The following DOCK4 variants were observed in gnomAD, a reference collection of about 807,000 sequenced individuals.
DOCK4 encodes the protein dedicator of cytokinesis 4, also known as dedicator of cytokinesis protein 4.
Under a neutral mutation model 268.1 loss-of-function variants are expected in DOCK4, and 97 were observed. The ratio of observed to expected loss-of-function variants is 0.36; its 90% CI spans 0.31 to 0.43. The LOEUF (loss-of-function observed/expected upper bound fraction) is 0.43. DOCK4 is among the 20% of genes least tolerant of loss of function. DOCK4 has a pLI of 1.00. For synonymous variants in DOCK4, 954 were observed against 887.2 expected (o/e 1.08, Z -1.34); for missense variants, 2,145 against 2,455.7 (o/e 0.87, Z 2.67).
At position 111,757,518 on chromosome 7, in the gene DOCK4, A is replaced by G. The variant is rs182502968; in HGVS notation, c.4329+1106T>C. Reference sequence around the variant, plus strand: ...AAGGCACAAAGAATAAGTTTCCAGAAAAAACAAGAACATGATCATGGATCT... The same window carrying G: ...AAGGCACAAAGAATAAGTTTCCAGAGAAAACAAGAACATGATCATGGATCT... On this transcript the variant is annotated intron_variant, in intron 41 of 52. Transcript: ENST00000428084. Among the ~76,000 whole-genome samples the G allele has an allele frequency of 6.6e-5, 10 of 152,334 alleles. No individual in the cohort carries two copies. The East Asian group carries it at 1.5e-3, about 23-fold the overall frequency.
At chr7:111,882,808 C>T (rs1807512329) in intron 16 of DOCK4, among the ~76,000 whole-genome samples, 2 of 152,134 alleles carry the variant, frequency 1.3e-5, no homozygotes, top group African/African-American at 4.8e-5. Context: ...AACGGGATTG[C>T]TCCATGTTGA....
chr7:111,806,876 G>T (rs1403972378), intron 30 of DOCK4, among the ~76,000 whole-genome samples: 1 of 152,132 alleles, frequency 6.6e-6, no homozygotes, highest in Non-Finnish European at 1.5e-5. Flanking sequence ...AGATCTCTGA[G>T]AAAAACAGAG....
At chr7:111,728,974 C>G (rs3779458) in intron 52 of DOCK4, among the ~76,000 whole-genome samples, 1 of 152,102 alleles carries the variant, frequency 6.6e-6, no homozygotes, top group Non-Finnish European at 1.5e-5. Context: ...ACACACAGAC[C>G]TTGCAGGAAG....
At chr7:112,145,819 G>C (rs1815425514) in intron 1 of DOCK4, among the ~76,000 whole-genome samples, 1 of 130,458 alleles carries the variant, frequency 7.7e-6, no homozygotes, top group African/African-American at 2.7e-5. Context: ...TAGTTACTTG[G>C]AAGAAAAAAA....
chr7:112,125,004 C>T (rs150917824), intron 1 of DOCK4, among the ~76,000 whole-genome samples: 27 of 152,258 alleles, frequency 1.8e-4, no homozygotes, highest in African/African-American at 6.0e-4. Flanking sequence ...AAGGATGCTT[C>T]AGGGCCCTAA....
At position 111,786,277 on chromosome 7, in the gene DOCK4, T is replaced by C. The variant is rs549570763; in HGVS notation, c.3402-2154A>G. ...AGCCCCTTTAGAGCCCCCAAGACTG[T>C]AGGTAGACCTACTGTATGCTTCCAC... is the stretch of plus-strand genomic sequence containing the variant. On this transcript the variant is annotated intron_variant, in intron 32 of 52. Coordinates refer to ENST00000428084, the MANE Select transcript of DOCK4 (RefSeq NM_001363540.2). Among the ~76,000 whole-genome samples the C allele has an allele frequency of 2.5e-4, 38 of 152,286 alleles. 1 individual carries two copies. Among genetic ancestry groups the C allele is most frequent in the Admixed American group, 2.4e-3 (37 of 15,290 alleles).
intron 1 of DOCK4, among the ~76,000 whole-genome samples, chr7:112,165,583 C>A (rs1817546739): frequency 6.7e-6 from 1 of 148,264 alleles, no homozygotes; most frequent in South Asian, 2.1e-4. Flanking sequence ...TATCCCATTT[C>A]TTTGGACACT....
At chr7:112,136,060 T>C (rs972490298) in intron 1 of DOCK4, among the ~76,000 whole-genome samples, 5 of 152,174 alleles carry the variant, frequency 3.3e-5, no homozygotes, top group African/African-American at 9.7e-5. Context: ...GGGAATTATT[T>C]GGGCCAATTT....
chr7:111,889,283 C>A (rs1808098716), intron 16 of DOCK4, among the ~76,000 whole-genome samples: 1 of 152,004 alleles, frequency 6.6e-6, no homozygotes, highest in Non-Finnish European at 1.5e-5. Context: ...TCTTCTATAC[C>A]AAAGCCTGGG....
In DOCK4 at chr7:111,900,523, A is replaced by T; in HGVS notation, c.1331T>A (p.Phe444Tyr). The change falls in exon 15 of 53, where the codon TTC becomes TAC. Residue 444 changes from phenylalanine (F) to tyrosine (Y), a missense_variant. Physicochemically the swap from Phe to Tyr is conservative, Grantham distance 22 (BLOSUM62 3). Around this residue, in one of 2 missense-constraint regions of DOCK4, gnomAD observed 1,598 missense variants for 1,986.7 expected, o/e 0.80. Transcript: ENST00000428084. ...ACTGGCTGGTGGCTCCCCAGAGCCG[A>T]AGGAGATAAAATCCTAACAAAGGGA... ...SGQTLKDFISFGSGEPPASEY... is the reference protein window; with the variant it reads ...SGQTLKDFISYGSGEPPASEY... The T allele has an allele frequency of 6.2e-7, 1 of 1,610,576 alleles. No individual in the cohort carries two copies. Among genetic ancestry groups the T allele is most frequent in the Non-Finnish European group, 8.5e-7 (1 of 1,178,500 alleles).
At chr7:111,878,266 T>C (rs1041646657) in intron 16 of DOCK4, among the ~76,000 whole-genome samples, 20 of 152,242 alleles carry the variant, frequency 1.3e-4, no homozygotes, top group Non-Finnish European at 2.1e-4. Context: ...AACCTGCTGA[T>C]GTGTCCGACT....
intron 1 of DOCK4, 117 bp from the exon 2 acceptor site, chr7:112,004,248 CCT>C (rs1359347508): frequency 2.7e-6 from 2 of 731,026 alleles, no homozygotes; most frequent in Admixed American, 3.0e-5. Flanking sequence ...TAGCTGGAAC[CCT>C]CTGTCATATT....
At chr7:111,889,366 GGGGGAGCATATGGGGTTCACT>G (rs990038829) in intron 16 of DOCK4, among the ~76,000 whole-genome samples, 4 of 152,166 alleles carry the variant, frequency 2.6e-5, no homozygotes, top group Middle Eastern at 3.4e-3. Flanking sequence ...TAGAAGAGTT[GGGGGAGCATATGGGGTTCACT>G]GGGGAGCATA....
intron 16 of DOCK4, among the ~76,000 whole-genome samples, chr7:111,886,781 C>T (rs902866807): frequency 2.6e-5 from 4 of 152,094 alleles, no homozygotes; most frequent in Non-Finnish European, 4.4e-5. Context: ...CAAATAAATT[C>T]CATGTTAACA....
At chr7:111,923,955 T>C (rs1481250367) in intron 12 of DOCK4, among the ~76,000 whole-genome samples, 2 of 152,236 alleles carry the variant, frequency 1.3e-5, no homozygotes, top group African/African-American at 4.8e-5. Flanking sequence ...TCTATTTACT[T>C]CTCTTTAACC....
At chr7:112,149,578 TAAA>T (rs1486051416) in intron 1 of DOCK4, among the ~76,000 whole-genome samples, 1 of 119,622 alleles carries the variant, frequency 8.4e-6, no homozygotes, top group Non-Finnish European at 2.0e-5. Context: ...TTACAGAAAA[TAAA>T]AGAAGACTAT....
At chr7:111,879,288 A>G (rs1465901526) in intron 16 of DOCK4, among the ~76,000 whole-genome samples, 1 of 152,060 alleles carries the variant, frequency 6.6e-6, no homozygotes, top group Non-Finnish European at 1.5e-5. Context: ...CTTGCTAACT[A>G]AAGACCCCTT....
chr7:112,152,910 T>G (rs1444847165), intron 1 of DOCK4, among the ~76,000 whole-genome samples: 1 of 152,144 alleles, frequency 6.6e-6, no homozygotes, highest in Non-Finnish European at 1.5e-5. Context: ...TAAGAGTAAA[T>G]GTATAATCTA....
At chr7:111,848,191 T>C (rs1804266040) in intron 23 of DOCK4, among the ~76,000 whole-genome samples, 1 of 152,216 alleles carries the variant, frequency 6.6e-6, no homozygotes, top group African/African-American at 2.4e-5. Flanking sequence ...TTTTCTAGGA[T>C]GTTTCCCCTC....
Sources: gnomAD v4.1 joint callset for allele counts (sites outside exome capture counted in the v4.1 genomes callset) on GRCh38, gnomAD v4.1.1 for gene constraint, gnomAD v4.1.1 regional missense constraint, MANE v1.5 for transcripts, NCBI Gene and HGNC (gene_info 2026-07-23, HGNC 2026-07-21) for gene names.